The following BRAT1 variants were observed in gnomAD, a reference collection of about 807,000 sequenced individuals.
BRAT1 encodes BRCA1 associated ATM activator 1, also known as integrator complex assembly factor BRAT1.
BRAT1 carries 74 observed loss-of-function variants against 70.6 expected under a neutral mutation model. The ratio of observed to expected loss-of-function variants is 1.05; its 90% CI spans 0.87 to 1.27. The LOEUF (loss-of-function observed/expected upper bound fraction) is 1.27, where lower values mean the gene tolerates loss of function less well. Ranked by LOEUF, BRAT1 falls within the 50% of genes most tolerant of loss-of-function variation. BRAT1 has a pLI of 0.00. For synonymous variants in BRAT1, 615 were observed against 517.1 expected (o/e 1.19, Z -2.57); for missense variants, 1,203 against 1,098.2 (o/e 1.10, Z -1.35).
At chr7:2,542,328 G>C (rs1220142391) in intron 6 of BRAT1, 117 bp from the exon 7 acceptor site, 1 of 847,364 alleles carries the variant, frequency 1.2e-6, no homozygotes, top group Non-Finnish European at 1.9e-6. Context: ...CACCCCCCGA[G>C]AAACATTCTC....
chr7:2,554,203 C>A lies in BRAT1; in HGVS notation c.127+102G>T, dbSNP rs563232850. ...AGACATCTGATTGGCAGTTTCTGCCCTTCCTCCAGGACAGGGGAGTCCCCA... is the reference window on the plus strand; with the variant it reads ...AGACATCTGATTGGCAGTTTCTGCCATTCCTCCAGGACAGGGGAGTCCCCA... On this transcript the variant is annotated intron_variant, in intron 2 of 13. Transcript: ENST00000340611. 9.6e-6 allele frequency: 14 copies of A among 1,464,478 alleles called. No homozygotes were observed. In the African/African-American group the frequency reaches 1.6e-4, roughly 16 times the overall value. 90.7% of individuals were successfully genotyped at this position (1,464,478 alleles called of 1,614,324 possible).
chr7:2,552,106 A>ATATATATATATATATATATAT (rs1245262304), intron 2 of BRAT1, among the ~76,000 whole-genome samples: 3 of 14,218 alleles, frequency 2.1e-4, no homozygotes, highest in Non-Finnish European at 2.7e-4. Context: ...ATATATATAT[A>ATATATATATATATATATATAT]TTTTTTTTTT....
intron 2 of BRAT1, among the ~76,000 whole-genome samples, chr7:2,551,532 A>G (rs530252136): frequency 3.5e-4 from 52 of 149,300 alleles, no homozygotes; most frequent in African/African-American, 1.2e-3. Flanking sequence ...CTCTATGGGA[A>G]AAAAAAAAAT....
chr7:2,547,253 C>G, intron 3 of BRAT1, 71 bp downstream of exon 3: 1 of 1,571,542 alleles, frequency 6.4e-7, no homozygotes. Context: ...TACAAATGCC[C>G]CACCTGGCTG....
chr7:2,538,812 G>A (rs1434115935), intron 13 of BRAT1, 48 bp from the exon 14 acceptor site: 10 of 1,591,606 alleles, frequency 6.3e-6, no homozygotes, highest in South Asian at 2.2e-5. Context: ...TGGCAGGAGC[G>A]AGGCTCCCGC....
intron 4 of BRAT1, among the ~76,000 whole-genome samples, chr7:2,544,471 A>T (rs1779447883): frequency 6.6e-6 from 1 of 151,930 alleles, no homozygotes; most frequent in Non-Finnish European, 1.5e-5. Flanking sequence ...CAAAGTGCTG[A>T]GATTACAGGC....
At position 2,543,203 on chromosome 7, in the gene BRAT1, C is replaced by T. The variant is rs1467914966; in HGVS notation, c.923+1G>A. On this transcript the variant is annotated splice_donor_variant, in intron 6 of 13. Transcript: ENST00000340611. LOFTEE classifies it high-confidence loss of function. This position sits in a 1 kb window ranked among gnomAD's most constrained non-coding sequence, Gnocchi z 5.5. ...GGAATGAAATGCACCCCAGACCATA[C>T]CAGTGCTCGAGCTTCAGGATCCCCA... 2 of 1,602,660 alleles carry T rather than the reference C, an allele frequency of 1.2e-6. No individual in the cohort carries two copies. Among genetic ancestry groups the T allele is most frequent in the Admixed American group, 1.7e-5 (1 of 57,732 alleles).
intron 10 of BRAT1, chr7:2,540,687 G>A (rs1263104668): frequency 1.4e-5 from 5 of 365,240 alleles, no homozygotes; most frequent in Admixed American, 4.8e-5. Flanking sequence ...GCCCAGGGCC[G>A]TCTTGGTGCC....
At chr7:2,546,633 G>A (rs188946990) in intron 3 of BRAT1, among the ~76,000 whole-genome samples, 1 of 152,044 alleles carries the variant, frequency 6.6e-6, no homozygotes, top group East Asian at 1.9e-4. Flanking sequence ...TACTCGGGAG[G>A]CTGAGGCAGG....
Position 2,543,064 on chromosome 7 carries a change from C to A in BRAT1, c.923+140G>T, listed in dbSNP as rs1779303548. The A allele has an allele frequency of 3.6e-6, 4 of 1,114,832 alleles. No homozygotes were observed. Among genetic ancestry groups the A allele is most frequent in the Non-Finnish European group, 5.0e-6 (4 of 795,092 alleles). 69.1% of individuals were successfully genotyped at this position (1,114,832 alleles called of 1,614,324 possible). A position where few individuals can be genotyped will look rare whatever the true frequency, so the allele number is the denominator to read the frequency against. On this transcript the variant is annotated intron_variant, in intron 6 of 13. Coordinates refer to ENST00000340611, the MANE Select transcript of BRAT1 (RefSeq NM_152743.4). The surrounding 1 kb of genome is among the most constrained non-coding windows in gnomAD (Gnocchi z 5.5). ...GAAGCTGCCGCGCGCAACCCACGCA[C>A]CACCCAGTCACACCCCGCACGGCCG...
intron 2 of BRAT1, among the ~76,000 whole-genome samples, chr7:2,551,597 G>T (rs1444165555): frequency 6.7e-6 from 1 of 150,192 alleles, no homozygotes; most frequent in Non-Finnish European, 1.5e-5. Flanking sequence ...GAGGCAGGCG[G>T]ACTGCCCAGG....
In BRAT1 at chr7:2,537,905, A is replaced by C; in HGVS notation, c.*164T>G. ...TGAGTAGAAATAAGTCATTTCTTTA[A>C]TACATCAAACTGTGGGATTTCTTGA... On this transcript the variant is annotated 3_prime_UTR_variant, in exon 14 of 14. Transcript: ENST00000340611. 1 of 1,176,334 alleles carries C rather than the reference A, an allele frequency of 8.5e-7. No homozygotes were observed. 72.9% of individuals were successfully genotyped at this position (1,176,334 alleles called of 1,614,324 possible). A position where few individuals can be genotyped will look rare whatever the true frequency, so the allele number is the denominator to read the frequency against.
chr7:2,541,640 G>A lies in BRAT1; in HGVS notation c.1134+78C>T, dbSNP rs1003269945. The A allele has an allele frequency of 6.1e-6, 9 of 1,486,244 alleles. No homozygotes were observed. The South Asian group carries it at 7.5e-5, about 12-fold the overall frequency. 92.1% of individuals were successfully genotyped at this position (1,486,244 alleles called of 1,614,324 possible). On this transcript the variant is annotated intron_variant, in intron 8 of 13. Coordinates refer to ENST00000340611, the MANE Select transcript of BRAT1 (RefSeq NM_152743.4). ...CAAGGGTGCTGGGGCAGCAAGGGGT[G>A]GGGGGCGTCAGCCTACGTTGCGGTC...
intron 10 of BRAT1, chr7:2,540,710 T>C (rs1779077188): frequency 2.5e-6 from 1 of 396,054 alleles, no homozygotes. Flanking sequence ...CTCATTTCCC[T>C]TGTCCAGAAT....
At chr7:2,549,322 T>C (rs1269936802) in intron 2 of BRAT1, among the ~76,000 whole-genome samples, 1 of 150,504 alleles carries the variant, frequency 6.6e-6, no homozygotes, top group Non-Finnish European at 1.5e-5. Context: ...CCCCTCTCTA[T>C]AAAAATTCGC....
chr7:2,539,736 T>C (rs1778995524), intron 11 of BRAT1, 50 bp downstream of exon 11: 1 of 1,564,304 alleles, frequency 6.4e-7, no homozygotes, highest in African/African-American at 1.4e-5. Context: ...CCCTGCTGCC[T>C]CCACCCCTGC....
chr7:2,544,200 G>GTTGTTTT (rs1430991888), intron 4 of BRAT1: 8 of 108,672 alleles, frequency 7.4e-5, no homozygotes, highest in Admixed American at 6.7e-4. Context: ...CCTTCTTGTT[G>GTTGTTTT]TTTTTTTTTT....
chr7:2,548,401 C>T (rs1272800271), intron 2 of BRAT1, among the ~76,000 whole-genome samples: 1 of 151,946 alleles, frequency 6.6e-6, no homozygotes, highest in African/African-American at 2.4e-5. Flanking sequence ...CTATGTCCAC[C>T]TGAATCAGCA....
chr7:2,543,964 T>A lies in BRAT1; in HGVS notation c.431-2A>T. 4 of 1,536,502 alleles carry A rather than the reference T, an allele frequency of 2.6e-6. No homozygotes were observed. Among genetic ancestry groups the A allele is most frequent in the Non-Finnish European group, 3.5e-6 (4 of 1,135,448 alleles). On this transcript the variant is annotated splice_acceptor_variant, in intron 4 of 13. Transcript: ENST00000340611. LOFTEE classifies it high-confidence loss of function. The surrounding 1 kb of genome is among the most constrained non-coding windows in gnomAD (Gnocchi z 5.5). ...GGGAGAAGATGGTGTCGACCGCACC[T>A]GGGTAGGGGATGGGGGAAGAGAGGG...
Sources: gnomAD v4.1 joint callset for allele counts (sites outside exome capture counted in the v4.1 genomes callset) on GRCh38, gnomAD v4.1.1 for gene constraint, Gnocchi (gnomAD v3.1) non-coding constraint, MANE v1.5 for transcripts, NCBI Gene and HGNC (gene_info 2026-07-23, HGNC 2026-07-21) for gene names.